ARL8B: variants seen among roughly 807,000 people sequenced by gnomAD.
ARL8B encodes ADP-ribosylation factor-like protein 8B.
In ARL8B, 9 loss-of-function variants were observed where a neutral mutation model predicts 30.6. The ratio of observed to expected loss-of-function variants is 0.29; its 90% confidence interval spans 0.18 to 0.51. ARL8B has a LOEUF of 0.51. ARL8B is among the 20% of genes least tolerant of loss of function. ARL8B has a pLI of 0.97. For synonymous variants in ARL8B, 74 were observed against 76.0 expected (o/e 0.97, Z 0.14); for missense variants, 130 against 227.2 (o/e 0.57, Z 2.75).
Position 5,179,669 on chromosome 3 carries a change from G to C in ARL8B, c.*956G>C, listed in dbSNP as rs1383284763. The C allele has an allele frequency of 6.6e-6, 1 of 152,482 alleles. No homozygotes were observed. The highest frequency in any genetic ancestry group is 1.5e-5 in the Non-Finnish European group (1 of 68,014). 9.4% of individuals were successfully genotyped at this position (152,482 alleles called of 1,614,324 possible). A position where few individuals can be genotyped will look rare whatever the true frequency, so the allele number is the denominator to read the frequency against. ...CTTAACTCCTGACTTTTTATATCCA[G>C]TCATAAAGTTGACTTTCAGCACAAA... is the stretch of plus-strand genomic sequence containing the variant. On this transcript the variant is annotated 3_prime_UTR_variant, in exon 7 of 7. Coordinates refer to ENST00000256496, the MANE Select transcript of ARL8B (RefSeq NM_018184.3).
At chr3:5,168,449 G>A (rs1398561815) in intron 1 of ARL8B, among the ~76,000 whole-genome samples, 1 of 152,168 alleles carries the variant, frequency 6.6e-6, no homozygotes, top group Non-Finnish European at 1.5e-5. Flanking sequence ...AAAACTCAAG[G>A]ACTTGATTAG....
chr3:5,126,975 T>C (rs2054235306), intron 1 of ARL8B, among the ~76,000 whole-genome samples: 1 of 152,246 alleles, frequency 6.6e-6, no homozygotes. Context: ...ATTTTTTAAA[T>C]GGAAGTATAA....
intron 1 of ARL8B, among the ~76,000 whole-genome samples, chr3:5,139,404 A>G (rs970887978): frequency 6.6e-6 from 1 of 152,156 alleles, no homozygotes; most frequent in African/African-American, 2.4e-5. Flanking sequence ...GTGGAACAGA[A>G]TTTTAGGGGC....
rs187605666 is a variant in ARL8B, at chr3:5,124,210, T to A, written c.123+1622T>A. 4.5e-3 allele frequency among the ~76,000 whole-genome samples: 677 copies of A among 151,416 alleles called. 15 individuals carry two copies. The highest frequency in any genetic ancestry group is 0.041 in the Admixed American group (618 of 15,128). ...TGATTTTTTGCGCTTGGAATGACTATCTTTCCGCAGGAATAGAAGAGTGGA... is the reference window on the plus strand; with the variant it reads ...TGATTTTTTGCGCTTGGAATGACTAACTTTCCGCAGGAATAGAAGAGTGGA... On this transcript the variant is annotated intron_variant, in intron 1 of 6. Transcript: ENST00000256496.
intron 5 of ARL8B, 103 bp from the exon 6 acceptor site, chr3:5,174,241 G>T: frequency 9.3e-7 from 1 of 1,077,150 alleles, no homozygotes; most frequent in South Asian, 1.3e-5. Context: ...TTGCTACGAT[G>T]ATTTCTTCAG....
intron 1 of ARL8B, among the ~76,000 whole-genome samples, chr3:5,136,755 A>G (rs989830637): frequency 2.7e-4 from 35 of 128,308 alleles, no homozygotes; most frequent in Admixed American, 1.3e-3. Context: ...GATTGTGGTA[A>G]TGATGGAGAG....
At chr3:5,130,243 C>T (rs926929116) in intron 1 of ARL8B, among the ~76,000 whole-genome samples, 2 of 148,836 alleles carry the variant, frequency 1.3e-5, no homozygotes, top group African/African-American at 2.5e-5. Flanking sequence ...AGCCTGGTCC[C>T]GGAACTCCTG....
intron 1 of ARL8B, among the ~76,000 whole-genome samples, chr3:5,140,256 C>T (rs919461649): frequency 3.9e-5 from 6 of 152,002 alleles, no homozygotes; most frequent in Non-Finnish European, 5.9e-5. Flanking sequence ...GGGAGGGACC[C>T]GGTGGGAGAT....
In ARL8B at chr3:5,157,454, A is replaced by G. The variant is rs927767263; in HGVS notation, c.124-13049A>G. On this transcript the variant is annotated intron_variant, in intron 1 of 6. Transcript: ENST00000256496. ...AGTTGAATCTGTCTCAGGGGCCACA[A>G]GGTAGGAGAAGGAATCGCAAAAAAA... 3.3e-5 allele frequency among the ~76,000 whole-genome samples: 5 copies of G among 151,944 alleles called. No homozygotes were observed. The East Asian group carries it at 7.7e-4, about 23-fold the overall frequency.
At chr3:5,138,090 T>C (rs2054343160) in intron 1 of ARL8B, among the ~76,000 whole-genome samples, 1 of 151,986 alleles carries the variant, frequency 6.6e-6, no homozygotes, top group South Asian at 2.1e-4. Context: ...AGGGGCAACT[T>C]GGTGAAAAAT....
At chr3:5,167,559 C>T (rs903052384) in intron 1 of ARL8B, among the ~76,000 whole-genome samples, 1 of 152,154 alleles carries the variant, frequency 6.6e-6, no homozygotes, top group African/African-American at 2.4e-5. Context: ...CTCTTTCCCC[C>T]CCAAGTCAGA....
intron 1 of ARL8B, among the ~76,000 whole-genome samples, chr3:5,127,687 T>C (rs1225204729): frequency 6.6e-6 from 1 of 151,812 alleles, no homozygotes; most frequent in African/African-American, 2.4e-5. Context: ...TCCTGGCTAA[T>C]GCGGTGAAAC....
chr3:5,150,517 T>G (rs1016216526), intron 1 of ARL8B, among the ~76,000 whole-genome samples: 7 of 145,204 alleles, frequency 4.8e-5, no homozygotes, highest in Admixed American at 6.9e-5. Flanking sequence ...GCATGGTGGC[T>G]CACATCTGTA....
At position 5,139,115 on chromosome 3, in the gene ARL8B, AGAAGG is replaced by A. The variant is rs569788837; in HGVS notation, c.123+16531_123+16535del. Among the ~76,000 whole-genome samples the A allele has an allele frequency of 5.2e-3, 787 of 152,354 alleles. 10 individuals carry two copies. The highest frequency in any genetic ancestry group is 0.018 in the African/African-American group (736 of 41,572). On this transcript the variant is annotated intron_variant, in intron 1 of 6. Transcript: ENST00000256496. ...AATTGTTACTGAATTTTTTTACAGT[AGAAGG>A]GAACATGAGACAATCCATATGATAC...
At chr3:5,130,749 G>A (rs542688221) in intron 1 of ARL8B, among the ~76,000 whole-genome samples, 3 of 151,456 alleles carry the variant, frequency 2.0e-5, no homozygotes, top group South Asian at 4.2e-4. Flanking sequence ...TTGGCCAGGC[G>A]AGTCTTGAAC....
chr3:5,179,198 T>C lies in ARL8B; in HGVS notation c.*485T>C, dbSNP rs1478033522. The C allele has an allele frequency of 6.5e-6, 1 of 152,902 alleles. No individual in the cohort carries two copies. Among genetic ancestry groups the C allele is most frequent in the Non-Finnish European group, 1.5e-5 (1 of 68,286 alleles). 9.5% of individuals were successfully genotyped at this position (152,902 alleles called of 1,614,324 possible). On this transcript the variant is annotated 3_prime_UTR_variant, in exon 7 of 7. Coordinates refer to ENST00000256496, the MANE Select transcript of ARL8B (RefSeq NM_018184.3). The stretch of plus-strand genomic sequence containing the variant: ...AAAACCTTTAGGCGTGAATGACTCA[T>C]GTGGGATATATGTAAACATAATGTT...
At chr3:5,171,488 A>T (rs2054675303) in intron 2 of ARL8B, among the ~76,000 whole-genome samples, 1 of 152,024 alleles carries the variant, frequency 6.6e-6, no homozygotes, top group Non-Finnish European at 1.5e-5. Context: ...AGTATATTAC[A>T]GGCACCTGCC....
At chr3:5,136,516 T>A (rs946992154) in intron 1 of ARL8B, among the ~76,000 whole-genome samples, 6 of 152,224 alleles carry the variant, frequency 3.9e-5, no homozygotes, top group South Asian at 4.1e-4. Context: ...CATGACTTTA[T>A]AGTGTTCCAT....
intron 1 of ARL8B, among the ~76,000 whole-genome samples, chr3:5,154,801 C>G (rs1414594567): frequency 6.6e-6 from 1 of 152,156 alleles, no homozygotes; most frequent in Non-Finnish European, 1.5e-5. Context: ...ACCTCTGCCT[C>G]CGGGGTTCAT....
Sources: allele counts gnomAD v4.1 joint callset (sites outside exome capture counted in the v4.1 genomes callset), GRCh38; gene constraint gnomAD v4.1.1; transcripts MANE v1.5; gene names NCBI Gene and HGNC (gene_info 2026-07-23, HGNC 2026-07-21).